PCDHGB5: variants seen among roughly 807,000 people sequenced by gnomAD.
The protein encoded by PCDHGB5 is protocadherin gamma subfamily B, 5.
A neutral mutation model predicts 62.9 loss-of-function variants in PCDHGB5; 48 were observed. The ratio of observed to expected loss-of-function variants is 0.76; its 90% confidence interval spans 0.61 to 0.97. The LOEUF (loss-of-function observed/expected upper bound fraction) is 0.97. Ranked by LOEUF, PCDHGB5 falls within the 50% of genes least tolerant of loss-of-function variation. The pLI, the probability that PCDHGB5 is intolerant of heterozygous loss-of-function variation, is 0.00. For missense variants in PCDHGB5, 1,118 were observed against 1,198.6 expected (o/e 0.93, Z 0.99); for synonymous variants, 474 against 511.2 (o/e 0.93, Z 0.98).
chr5:141,470,577 C>T (rs75062402), intron 1 of PCDHGB5, among the ~76,000 whole-genome samples: 8,307 of 152,270 alleles, frequency 0.055, 479 homozygotes, highest in African/African-American at 0.15. Flanking sequence ...GCAGGATCAA[C>T]TTCATAGGCA....
rs2099748976 is a variant in PCDHGB5, at chr5:141,493,566, C to G, written c.2398-1241C>G. Among the ~76,000 whole-genome samples, 1 of 152,168 alleles carries G rather than the reference C, an allele frequency of 6.6e-6. No individual in the cohort carries two copies. Among genetic ancestry groups the G allele is most frequent in the African/African-American group, 2.4e-5 (1 of 41,436 alleles). ...TTTTGGAGATTGAGTTCCCCCAGCT[C>G]CGTTTCCTCCTATCACAATCACTGC... is the stretch of plus-strand genomic sequence containing the variant. On this transcript the variant is annotated intron_variant, in intron 1 of 3. Transcript: ENST00000617380. The surrounding 1 kb of genome is among the most constrained non-coding windows in gnomAD (Gnocchi z 4.3).
At chr5:141,506,649 T>C (rs1487823663) in intron 3 of PCDHGB5, among the ~76,000 whole-genome samples, 1 of 152,114 alleles carries the variant, frequency 6.6e-6, no homozygotes, top group Admixed American at 6.6e-5. Context: ...CAGCACAGGA[T>C]TGGCAGAGAG....
At chr5:141,508,434 G>A (rs2099868795) in intron 3 of PCDHGB5, among the ~76,000 whole-genome samples, 1 of 152,160 alleles carries the variant, frequency 6.6e-6, no homozygotes, top group Admixed American at 6.5e-5. Flanking sequence ...AGCTCACACA[G>A]TTCCTTAGTG....
rs116140192 is a variant in PCDHGB5, at chr5:141,497,400, A to C, written c.2456+2535A>C. Among the ~76,000 whole-genome samples, 87 of 152,110 alleles carry C rather than the reference A, an allele frequency of 5.7e-4. 1 individual carries two copies. Among genetic ancestry groups the C allele is most frequent in the African/African-American group, 2.0e-3 (82 of 41,484 alleles). ...GGGGTGAGCACCTTACCCCTGCCTCAACTCCCATTCCATCAAATGAGAGGC... is the reference window on the plus strand; with the variant it reads ...GGGGTGAGCACCTTACCCCTGCCTCCACTCCCATTCCATCAAATGAGAGGC... On this transcript the variant is annotated intron_variant, in intron 2 of 3. Coordinates refer to ENST00000617380, the MANE Select transcript of PCDHGB5 (RefSeq NM_018925.3).
At chr5:141,509,650 T>C (rs1484029268) in intron 3 of PCDHGB5, among the ~76,000 whole-genome samples, 1 of 152,188 alleles carries the variant, frequency 6.6e-6, no homozygotes, top group African/African-American at 2.4e-5. Context: ...GGCCAGAGTG[T>C]GGACTTCTCT....
In PCDHGB5 at chr5:141,449,878, A is replaced by G. The variant is rs536474516; in HGVS notation, c.2398-44929A>G. On this transcript the variant is annotated intron_variant, in intron 1 of 3. Transcript: ENST00000617380. ...ATAAAAATCAGAAAATTTAACATCA[A>G]TGCAATATAATTATTTAGCCTATAG... 6.6e-4 allele frequency among the ~76,000 whole-genome samples: 100 copies of G among 152,050 alleles called. 1 individual carries two copies. The highest frequency in any genetic ancestry group is 2.4e-3 in the African/African-American group (99 of 41,574).
In PCDHGB5 at chr5:141,430,673, C is replaced by T. The variant is rs183365013; in HGVS notation, c.2397+30149C>T. 1.5e-4 allele frequency: 198 copies of T among 1,288,318 alleles called. 2 individuals are homozygous for T. In the African/African-American group the frequency reaches 2.8e-3, roughly 18 times the overall value. The allele number at this position is 1,288,318 out of a possible 1,614,324, so 79.8% of individuals were successfully genotyped here. On this transcript the variant is annotated intron_variant, in intron 1 of 3. Coordinates refer to ENST00000617380, the MANE Select transcript of PCDHGB5 (RefSeq NM_018925.3). Reference sequence around the variant, plus strand: ...AAACAACGGAGGAGCTCTGACTTCCCAACTGTCCCATTCTATGGGCGAAGG... The same window carrying T: ...AAACAACGGAGGAGCTCTGACTTCCTAACTGTCCCATTCTATGGGCGAAGG...
In PCDHGB5 at chr5:141,491,731, C is replaced by T. The variant is rs1198438920; in HGVS notation, c.2398-3076C>T. ...GGGCTCGGCGCCGCCCCGGGCGACC[C>T]CTGGGGGCGGCACTGGAGAAGCCGC... On this transcript the variant is annotated intron_variant, in intron 1 of 3. Coordinates refer to ENST00000617380, the MANE Select transcript of PCDHGB5 (RefSeq NM_018925.3). The surrounding 1 kb of genome is among the most constrained non-coding windows in gnomAD (Gnocchi z 6.9). 1 of 1,603,678 alleles carries T rather than the reference C, an allele frequency of 6.2e-7. No homozygotes were observed. Among genetic ancestry groups the T allele is most frequent in the Non-Finnish European group, 8.5e-7 (1 of 1,175,748 alleles).
At position 141,491,067 on chromosome 5, in the gene PCDHGB5, G is replaced by T. The variant is rs752758445; in HGVS notation, c.2398-3740G>T. On this transcript the variant is annotated intron_variant, in intron 1 of 3. Transcript: ENST00000617380. The surrounding 1 kb of genome is among the most constrained non-coding windows in gnomAD (Gnocchi z 6.9). Reference sequence around the variant, plus strand: ...ACAATGCGTGGCTCTCCTACTCACTGTTGCCACAGTCCACAGCCCCAGGAC... The same window carrying T: ...ACAATGCGTGGCTCTCCTACTCACTTTTGCCACAGTCCACAGCCCCAGGAC... 1.2e-6 allele frequency: 2 copies of T among 1,614,200 alleles called. No homozygotes were observed. The highest frequency in any genetic ancestry group is 1.7e-6 in the Non-Finnish European group (2 of 1,180,040).
At position 141,486,243 on chromosome 5, in the gene PCDHGB5, G is replaced by A. The variant is rs754924567; in HGVS notation, c.2398-8564G>A. 18 of 1,614,156 alleles carry A rather than the reference G, an allele frequency of 1.1e-5. No individual in the cohort carries two copies. The highest frequency in any genetic ancestry group is 1.4e-5 in the Non-Finnish European group (16 of 1,180,018). ...TACATCACAGTGACCTCAGAGCTTG[G>A]AACCCTCCCCGAGAGTGCAGAACCT... On this transcript the variant is annotated intron_variant, in intron 1 of 3. Coordinates refer to ENST00000617380, the MANE Select transcript of PCDHGB5 (RefSeq NM_018925.3). This position sits in a 1 kb window ranked among gnomAD's most constrained non-coding sequence, Gnocchi z 5.0.
chr5:141,490,715 C>G lies in PCDHGB5; in HGVS notation c.2398-4092C>G, dbSNP rs757619272. The stretch of plus-strand genomic sequence containing the variant: ...GGGGATAATGCCCGCCTCACCTACT[C>G]CATTGTAGGAAATCAGGTTCAGGGA... On this transcript the variant is annotated intron_variant, in intron 1 of 3. Coordinates refer to ENST00000617380, the MANE Select transcript of PCDHGB5 (RefSeq NM_018925.3). This position sits in a 1 kb window ranked among gnomAD's most constrained non-coding sequence, Gnocchi z 5.4. 14 of 1,614,130 alleles carry G rather than the reference C, an allele frequency of 8.7e-6. No individual in the cohort carries two copies. Among genetic ancestry groups the G allele is most frequent in the Non-Finnish European group, 1.1e-5 (13 of 1,179,978 alleles).
Position 141,511,039 on chromosome 5 carries a change from C to T in PCDHGB5, c.2638C>T (p.Pro880Ser). 1 of 1,614,196 alleles carries T rather than the reference C, an allele frequency of 6.2e-7. No homozygotes were observed. ...YGPQFTLQHV[P>S]DYRQNVYIPG... ...ACCCCAGTTCACCCTGCAGCACGTGCCCGACTACCGCCAGAATGTCTACAT... is the reference window on the plus strand; with the variant it reads ...ACCCCAGTTCACCCTGCAGCACGTGTCCGACTACCGCCAGAATGTCTACAT... The change falls in exon 4 of 4, where the codon CCC (proline) becomes TCC (serine). Residue 880 changes from proline (P) to serine (S), a missense_variant. Physicochemically the swap from Pro to Ser is moderately conservative, Grantham distance 74. Around this residue, in one of 2 missense-constraint regions of PCDHGB5, gnomAD observed 1,034 missense variants for 1,029.1 expected, o/e 1.00. Coordinates refer to ENST00000617380, the MANE Select transcript of PCDHGB5 (RefSeq NM_018925.3).
chr5:141,451,497 G>T (rs2098717489), intron 1 of PCDHGB5, among the ~76,000 whole-genome samples: 1 of 152,214 alleles, frequency 6.6e-6, no homozygotes, highest in Admixed American at 6.5e-5. Flanking sequence ...CCTCCATAGG[G>T]CAACCAGCTT....
intron 1 of PCDHGB5, among the ~76,000 whole-genome samples, chr5:141,436,243 TA>T (rs1428637183): frequency 6.6e-6 from 1 of 152,154 alleles, no homozygotes; most frequent in Non-Finnish European, 1.5e-5. Context: ...TAACATGGTC[TA>T]ATTATTCTGA....
chr5:141,407,703 G>A (rs1016806853), intron 1 of PCDHGB5, among the ~76,000 whole-genome samples: 26 of 152,096 alleles, frequency 1.7e-4, no homozygotes, highest in African/African-American at 6.3e-4. Flanking sequence ...ATTGTTGAAG[G>A]TGGGGTGATG....
At chr5:141,506,444 CAAAA>C (rs1219684339) in intron 3 of PCDHGB5, among the ~76,000 whole-genome samples, 5 of 95,022 alleles carry the variant, frequency 5.3e-5, no homozygotes, top group Admixed American at 1.1e-4. Context: ...CGCTCTGTCT[CAAAA>C]AAAAAAAAAA....
At chr5:141,427,570 C>G (rs1487817661) in intron 1 of PCDHGB5, 8 of 662,270 alleles carry the variant, frequency 1.2e-5, no homozygotes, top group Non-Finnish European at 2.2e-5. Flanking sequence ...GGCAAGCCTC[C>G]GCTCTCATCC....
At chr5:141,459,984 A>G (rs906041823) in intron 1 of PCDHGB5, among the ~76,000 whole-genome samples, 4 of 152,216 alleles carry the variant, frequency 2.6e-5, no homozygotes, top group Non-Finnish European at 5.9e-5. Flanking sequence ...AGGCTGAGAC[A>G]GGAGAATCGC....
At position 141,409,103 on chromosome 5, in the gene PCDHGB5, A is replaced by G. The variant is rs750657192; in HGVS notation, c.2397+8579A>G. The G allele has an allele frequency of 6.8e-6, 11 of 1,613,926 alleles. No individual in the cohort carries two copies. Among genetic ancestry groups the G allele is most frequent in the Non-Finnish European group, 9.3e-6 (11 of 1,179,900 alleles). On this transcript the variant is annotated intron_variant, in intron 1 of 3. Coordinates refer to ENST00000617380, the MANE Select transcript of PCDHGB5 (RefSeq NM_018925.3). ...CTCATTGGATGAGAAAACAGGTATG[A>G]TTAAGAATAACCAGTCATTTGATTT...
Sources: gnomAD v4.1 joint callset for allele counts (sites outside exome capture counted in the v4.1 genomes callset) on GRCh38, gnomAD v4.1.1 for gene constraint, gnomAD v4.1.1 regional missense constraint, Gnocchi (gnomAD v3.1) non-coding constraint, MANE v1.5 for transcripts, NCBI Gene and HGNC (gene_info 2026-07-23, HGNC 2026-07-21) for gene names.